The following ARHGEF6 variants were observed in gnomAD, a reference collection of about 807,000 sequenced individuals.
The protein encoded by ARHGEF6 is Rac/Cdc42 guanine nucleotide exchange factor 6, also known as rho guanine nucleotide exchange factor 6.
A neutral mutation model predicts 70.3 loss-of-function variants in ARHGEF6; 9 were observed. The ratio of observed to expected loss-of-function variants is 0.13; its 90% confidence interval spans 0.08 to 0.22. The LOEUF (loss-of-function observed/expected upper bound fraction) is 0.22, where lower values mean the gene tolerates loss of function less well. ARHGEF6 is among the 10% of genes least tolerant of loss of function. The probability of loss-of-function intolerance (pLI) is 1.00; values close to 1 mark genes in which losing one functional copy is unlikely to be tolerated. For synonymous variants in ARHGEF6, 201 were observed against 207.8 expected (o/e 0.97, Z 0.28); for missense variants, 470 against 563.0 (o/e 0.83, Z 1.67).
chrX:136,751,522 T>C (rs1233607441), intron 2 of ARHGEF6, among the ~76,000 whole-genome samples: 1 of 111,814 alleles, frequency 8.9e-6, no homozygotes, highest in African/African-American at 3.3e-5. Flanking sequence ...ATCTGAATGT[T>C]TGTGCCCTTC....
At chrX:136,720,537 A>T (rs1223129055) in intron 6 of ARHGEF6, among the ~76,000 whole-genome samples, 1 of 111,449 alleles carries the variant, frequency 9.0e-6, no homozygotes, top group Admixed American at 9.5e-5. Flanking sequence ...CTAACAAAAA[A>T]CCCCGACATC....
At chrX:136,754,947 C>T (rs2077190756) in intron 2 of ARHGEF6, among the ~76,000 whole-genome samples, 1 of 111,539 alleles carries the variant, frequency 9.0e-6, no homozygotes, top group Non-Finnish European at 1.9e-5. Context: ...GCCCCCACTC[C>T]CACCCCTTTA....
chrX:136,714,528 C>A (rs2076717683), intron 6 of ARHGEF6, among the ~76,000 whole-genome samples: 1 of 112,191 alleles, frequency 8.9e-6, no homozygotes. Context: ...GCCGTGCTGC[C>A]CACAGGGAGT....
chrX:136,718,951 A>C (rs1375385975), intron 6 of ARHGEF6, among the ~76,000 whole-genome samples: 7 of 105,985 alleles, frequency 6.6e-5, no homozygotes, highest in Non-Finnish European at 9.7e-5. Context: ...GACATTGTCC[A>C]GTATGTTGAC....
At chrX:136,688,409 A>G (rs766920646) in intron 10 of ARHGEF6, among the ~76,000 whole-genome samples, 1 of 110,994 alleles carries the variant, frequency 9.0e-6, no homozygotes, top group East Asian at 2.8e-4. Context: ...TATAATAATT[A>G]AATAATTATT....
chrX:136,713,471 A>G, intron 6 of ARHGEF6, 101 bp from the exon 7 acceptor site: 2 of 597,801 alleles, frequency 3.3e-6, no homozygotes, highest in Non-Finnish European at 5.5e-6. Flanking sequence ...AAAAGGTCCT[A>G]TTTACTCAGG....
chrX:136,686,613 T>TACAC (rs1569393758), intron 11 of ARHGEF6, among the ~76,000 whole-genome samples: 2 of 77,837 alleles, frequency 2.6e-5, no homozygotes, highest in African/African-American at 1.2e-4. Flanking sequence ...TATATATATA[T>TACAC]ATATATATAC....
chrX:136,669,094 C>T (rs1446799468), intron 21 of ARHGEF6, among the ~76,000 whole-genome samples: 1 of 111,738 alleles, frequency 8.9e-6, no homozygotes, highest in Non-Finnish European at 1.9e-5. Context: ...TCAGTCCTCA[C>T]ACACAAGGCA....
chrX:136,731,324 G>A (rs185131335), intron 6 of ARHGEF6, among the ~76,000 whole-genome samples: 1 of 111,717 alleles, frequency 9.0e-6, no homozygotes, highest in African/African-American at 3.3e-5. Flanking sequence ...CAAGACAAAC[G>A]CACATAGAAC....
chrX:136,694,188 G>A (rs755393662), intron 9 of ARHGEF6, among the ~76,000 whole-genome samples: 1 of 110,286 alleles, frequency 9.1e-6, no homozygotes, highest in African/African-American at 3.3e-5. Context: ...GGGTAGCCGG[G>A]ACTACAGACG....
In ARHGEF6 at chrX:136,750,064, T is replaced by C. The variant is rs1403509417; in HGVS notation, c.250-2472A>G. Among the ~76,000 whole-genome samples the C allele has an allele frequency of 2.7e-5, 3 of 111,585 alleles. No individual in the cohort carries two copies. In the Admixed American group the frequency reaches 2.9e-4, roughly 11 times the overall value. On this transcript the variant is annotated intron_variant, in intron 2 of 21. Coordinates refer to ENST00000250617, the MANE Select transcript of ARHGEF6 (RefSeq NM_004840.3). ...TTTATGTCTTAGTGGAAATGAGCAGTGTGAGACCAAGTTTAGAGATGTTGA... is the reference window on the plus strand; with the variant it reads ...TTTATGTCTTAGTGGAAATGAGCAGCGTGAGACCAAGTTTAGAGATGTTGA...
At chrX:136,736,618 G>GATGTGTGTATGTGTGTGT (rs58741198) in intron 5 of ARHGEF6, among the ~76,000 whole-genome samples, 1,106 of 103,711 alleles carry the variant, frequency 0.011, 14 homozygotes, top group African/African-American at 0.036. Context: ...GTTAAAAAGA[G>GATGTGTGTATGTGTGTGT]GTGTGTGTGT....
rs149588677 is a variant in ARHGEF6 at position 136,720,199 on chromosome X, C to T, written c.733-6829G>A. On this transcript the variant is annotated intron_variant, in intron 6 of 21. Coordinates refer to ENST00000250617, the MANE Select transcript of ARHGEF6 (RefSeq NM_004840.3). ...AAAGACATTACAAGAAAACTACAAA[C>T]CAATATCTCTAATGAACATAGTTAC... is the stretch of plus-strand genomic sequence containing the variant. Among the ~76,000 whole-genome samples the T allele has an allele frequency of 5.0e-3, 555 of 111,796 alleles. 4 individuals are homozygous for T. The highest frequency in any genetic ancestry group is 0.017 in the African/African-American group (525 of 30,863).
intron 5 of ARHGEF6, among the ~76,000 whole-genome samples, chrX:136,741,834 C>G (rs2077045844): frequency 8.9e-6 from 1 of 111,837 alleles, no homozygotes; most frequent in African/African-American, 3.3e-5. Flanking sequence ...TGGAATGCTT[C>G]TTGATATTCT....
At position 136,679,648 on chromosome X, in the gene ARHGEF6, T is replaced by C; in HGVS notation, c.1717A>G (p.Thr573Ala). Residue 573 changes from threonine to alanine, a missense_variant, in exon 16 of 22, where the codon ACC becomes GCC. Physicochemically the swap from Thr to Ala is moderately conservative, Grantham distance 58 (BLOSUM62 0). This residue lies in a region of ARHGEF6 where 379 missense variants were observed against 449.3 expected (regional missense o/e 0.84). Transcript: ENST00000250617. ...TCCAAGGGTCCTCGGGGCTGTCCGG[T>C]AGAGCTAAAAGACTGGGAAAATGTC... ...SCSAHSSFSS[T>A]GQPRGPLEPP... is the part of the protein sequence containing the mutation. 4 of 1,211,785 alleles carry C rather than the reference T, an allele frequency of 3.3e-6. No homozygotes were observed. Among genetic ancestry groups the C allele is most frequent in the Non-Finnish European group, 3.4e-6 (3 of 895,358 alleles).
chrX:136,767,520 C>A (rs934511481), intron 2 of ARHGEF6: 76 of 753,761 alleles, frequency 1.0e-4, no homozygotes, highest in South Asian at 1.4e-4. Context: ...GTTCTTGTTG[C>A]CATAGCCGTG....
intron 6 of ARHGEF6, among the ~76,000 whole-genome samples, chrX:136,724,464 T>A (rs929781087): frequency 4.5e-5 from 5 of 111,363 alleles, no homozygotes; most frequent in African/African-American, 1.6e-4. Flanking sequence ...TAAATTTTTT[T>A]AATTATTCAT....
chrX:136,767,316 T>C (rs542968804), intron 2 of ARHGEF6: 1 of 754,606 alleles, frequency 1.3e-6, no homozygotes, highest in South Asian at 6.7e-5. Flanking sequence ...GACCCTGCCC[T>C]GAGCGCGGCC....
At position 136,732,583 on chromosome X, in the gene ARHGEF6, G is replaced by A. The variant is rs145614106; in HGVS notation, c.662-411C>T. On this transcript the variant is annotated intron_variant, in intron 5 of 21. Transcript: ENST00000250617. ...TTCAACTTAACAATGGTGCAATAGCGATACACATTCAGTAGAAATCATACT... is the reference window on the plus strand; with the variant it reads ...TTCAACTTAACAATGGTGCAATAGCAATACACATTCAGTAGAAATCATACT... Among the ~76,000 whole-genome samples the A allele has an allele frequency of 5.9e-3, 662 of 112,361 alleles. 4 individuals are homozygous for A. The highest frequency in any genetic ancestry group is 0.02 in the African/African-American group (616 of 30,951).
Sources: gnomAD v4.1 joint callset for allele counts (sites outside exome capture counted in the v4.1 genomes callset) on GRCh38, gnomAD v4.1.1 for gene constraint, gnomAD v4.1.1 regional missense constraint, MANE v1.5 for transcripts, NCBI Gene and HGNC (gene_info 2026-07-23, HGNC 2026-07-21) for gene names.